AKAP19: variants seen among roughly 807,000 people sequenced by gnomAD.
AKAP19 encodes A-kinase anchoring protein 19.
At chr2:190,148,516 T>G in the AKAP19 span, among the ~76,000 whole-genome samples, 9 of 152,224 alleles carry the variant, frequency 5.9e-5, no homozygotes, top group African/African-American at 1.9e-4. Flanking sequence ...TGATGTTGGC[T>G]TCATAAAATG....
chr2:190,016,825 T>C, the AKAP19 span, among the ~76,000 whole-genome samples: 1 of 152,228 alleles, frequency 6.6e-6, no homozygotes, highest in Admixed American at 6.5e-5. Context: ...GTAGTTCAAG[T>C]TCAATATTTT....
the AKAP19 span, among the ~76,000 whole-genome samples, chr2:190,199,305 C>T: frequency 4.6e-5 from 7 of 152,228 alleles, no homozygotes; most frequent in Non-Finnish European, 8.8e-5. Flanking sequence ...GTAGTATGAA[C>T]GCAGCCATGG....
the AKAP19 span, among the ~76,000 whole-genome samples, chr2:190,126,446 G>C: frequency 3.7e-3 from 564 of 151,134 alleles, no homozygotes; most frequent in Non-Finnish European, 6.2e-3. Flanking sequence ...CAATATCCTT[G>C]AGAAGAAAAA....
chr2:189,937,822 A>C, the AKAP19 span, among the ~76,000 whole-genome samples: 9 of 152,326 alleles, frequency 5.9e-5, no homozygotes, highest in Middle Eastern at 3.4e-3. Flanking sequence ...AATGTAAATT[A>C]ATATAACCAC....
At chr2:190,074,219 A>G in the AKAP19 span, among the ~76,000 whole-genome samples, 1 of 152,200 alleles carries the variant, frequency 6.6e-6, no homozygotes, top group African/African-American at 2.4e-5. Flanking sequence ...ACATCAATAC[A>G]TTTTTAAATA....
At chr2:190,150,668 G>A in the AKAP19 span, among the ~76,000 whole-genome samples, 90 of 152,186 alleles carry the variant, frequency 5.9e-4, no homozygotes, top group Non-Finnish European at 8.4e-4. Context: ...ATTCAAATGC[G>A]AGCTTCTGCA....
the AKAP19 span, among the ~76,000 whole-genome samples, chr2:190,038,791 G>C: frequency 1.3e-5 from 2 of 152,056 alleles, no homozygotes; most frequent in African/African-American, 2.4e-5. Context: ...GAGAGGAGGG[G>C]GAAGAATTGC....
chr2:189,966,830 C>G, the AKAP19 span, among the ~76,000 whole-genome samples: 2 of 152,068 alleles, frequency 1.3e-5, no homozygotes, highest in African/African-American at 4.8e-5. Context: ...TTATGTGAAT[C>G]TATAATTATC....
At chr2:189,930,972 G>C in the AKAP19 span, 3 of 843,430 alleles carry the variant, frequency 3.6e-6, no homozygotes, top group Non-Finnish European at 5.9e-6. Flanking sequence ...GAAGCAGGGA[G>C]ATGTCATCCG....
chr2:189,964,196 T>C, the AKAP19 span, among the ~76,000 whole-genome samples: 2 of 152,162 alleles, frequency 1.3e-5, no homozygotes, highest in African/African-American at 4.8e-5. Context: ...CTTTTTTGGG[T>C]GATGAGGTGC....
the AKAP19 span, among the ~76,000 whole-genome samples, chr2:189,993,473 A>T: frequency 6.6e-6 from 1 of 151,780 alleles, no homozygotes; most frequent in Non-Finnish European, 1.5e-5. Context: ...TTTTTTCGTT[A>T]TGTCCTTTTC....
chr2:189,900,858 T>G, the AKAP19 span, among the ~76,000 whole-genome samples: 1 of 152,112 alleles, frequency 6.6e-6, no homozygotes, highest in Non-Finnish European at 1.5e-5. Context: ...GACAAAGGCT[T>G]GCTGGGGATT....
At chr2:190,075,681 T>G in the AKAP19 span, among the ~76,000 whole-genome samples, 1 of 152,272 alleles carries the variant, frequency 6.6e-6, no homozygotes, top group African/African-American at 2.4e-5. Context: ...TGTTTTTATG[T>G]TGTATCTTTT....
chr2:189,946,610 A>G, the AKAP19 span, among the ~76,000 whole-genome samples: 2 of 152,236 alleles, frequency 1.3e-5, no homozygotes, highest in Non-Finnish European at 2.9e-5. Context: ...TTTAGCCATT[A>G]AAACATTTTT....
At chr2:189,922,745 G>A in the AKAP19 span, among the ~76,000 whole-genome samples, 1 of 152,012 alleles carries the variant, frequency 6.6e-6, no homozygotes, top group Non-Finnish European at 1.5e-5. Flanking sequence ...ACTTTTTATT[G>A]GTAATTTTAA....
the AKAP19 span, among the ~76,000 whole-genome samples, chr2:189,903,099 A>G: frequency 2.0e-5 from 3 of 151,930 alleles, no homozygotes; most frequent in Non-Finnish European, 2.9e-5. Context: ...TCGAGAAATT[A>G]TTTATAAATG....
chr2:189,908,937 A>G, the AKAP19 span, among the ~76,000 whole-genome samples: 3 of 152,094 alleles, frequency 2.0e-5, no homozygotes, highest in Admixed American at 6.6e-5. Context: ...TGACCTATCC[A>G]TTCTTAAAAG....
At chr2:190,103,614 C>T in the AKAP19 span, among the ~76,000 whole-genome samples, 1 of 152,124 alleles carries the variant, frequency 6.6e-6, no homozygotes, top group Admixed American at 6.5e-5. Flanking sequence ...AAAATACCTA[C>T]GAATACATCT....
chr2:189,917,046 C>T, the AKAP19 span, among the ~76,000 whole-genome samples: 2 of 152,108 alleles, frequency 1.3e-5, no homozygotes. Flanking sequence ...AACAAATTTA[C>T]ATTTTATCAA....
Sources: allele counts gnomAD v4.1 joint callset (sites outside exome capture counted in the v4.1 genomes callset), GRCh38; gene constraint gnomAD v4.1.1; transcripts MANE v1.5; gene names NCBI Gene and HGNC (gene_info 2026-07-23, HGNC 2026-07-21).